TMEM184B: variants seen among roughly 807,000 people sequenced by gnomAD.
TMEM184B encodes transmembrane protein 184B, also known as putative MAPK-activating protein FM08.
TMEM184B carries 17 observed loss-of-function variants against 41.8 expected under a neutral mutation model. The ratio of observed to expected loss-of-function variants is 0.41; its 90% CI spans 0.28 to 0.61. The LOEUF is 0.61. Ranked by LOEUF, TMEM184B falls within the 20% of genes least tolerant of loss-of-function variation. TMEM184B has a pLI of 0.34. For missense variants in TMEM184B, 393 were observed against 557.8 expected, an observed-to-expected ratio of 0.70 and a Z score of 2.98; for synonymous variants, 240 against 229.5, an observed-to-expected ratio of 1.05 and a Z score of -0.41.
rs5995555 is a variant in TMEM184B at position 38,241,128 on chromosome 22, A to T, written c.358+4807T>A. ...GAAAGAGCCAGGGCAACAGCTGAGC[A>T]GCGGGAGCCTGGAAAGCAGGCATTC... On this transcript the variant is annotated intron_variant, in intron 3 of 8. Transcript: ENST00000361906. Among the ~76,000 whole-genome samples, 936 of 152,306 alleles carry T rather than the reference A, an allele frequency of 6.1e-3. 8 individuals are homozygous for T. Among genetic ancestry groups the T allele is most frequent in the African/African-American group, 0.022 (905 of 41,558 alleles).
In TMEM184B at chr22:38,225,811, T is replaced by G. The variant is rs2091417856; in HGVS notation, c.618-218A>C. On this transcript the variant is annotated intron_variant, in intron 6 of 8. Coordinates refer to ENST00000361906, the MANE Select transcript of TMEM184B (RefSeq NM_012264.5). This position sits in a 1 kb window ranked among gnomAD's most constrained non-coding sequence, Gnocchi z 4.4. Reference sequence around the variant, plus strand: ...CCAGACCAGCTCTACTGCCTCTGCGTGGCTCGTGGACTTGTCTAAGCCCTG... The same window carrying G: ...CCAGACCAGCTCTACTGCCTCTGCGGGGCTCGTGGACTTGTCTAAGCCCTG... Among the ~76,000 whole-genome samples the G allele has an allele frequency of 6.6e-6, 1 of 152,174 alleles. No homozygotes were observed. The highest frequency in any genetic ancestry group is 2.4e-5 in the African/African-American group (1 of 41,444).
In TMEM184B at chr22:38,220,722, C is replaced by T. The variant is rs563441602; in HGVS notation, c.*747G>A. ...GAAGGACCCAAGTGAGCCGGCAGTG[C>T]GGGCTGTGGGCTGTCCTTGGTAGGC... On this transcript the variant is annotated 3_prime_UTR_variant, in exon 9 of 9. Coordinates refer to ENST00000361906, the MANE Select transcript of TMEM184B (RefSeq NM_012264.5). The T allele has an allele frequency of 2.4e-5, 24 of 986,348 alleles. No homozygotes were observed. The South Asian group carries it at 9.4e-4, about 39-fold the overall frequency. The allele number at this position is 986,348 out of a possible 1,614,324, so 61.1% of individuals were successfully genotyped here. A position where few individuals can be genotyped will look rare whatever the true frequency, so the allele number is the denominator to read the frequency against.
chr22:38,247,739 T>C (rs2092067651), intron 2 of TMEM184B, 31 bp downstream of exon 2: 1 of 1,594,078 alleles, frequency 6.3e-7, no homozygotes, highest in Non-Finnish European at 8.6e-7. Context: ...TTTCTGGACC[T>C]TTCTAGAGGC....
intron 1 of TMEM184B, among the ~76,000 whole-genome samples, chr22:38,252,782 T>C (rs1001692726): frequency 1.3e-5 from 2 of 152,176 alleles, no homozygotes; most frequent in Non-Finnish European, 2.9e-5. Flanking sequence ...AGTTTCTTCA[T>C]TATAACATTT....
At chr22:38,256,977 G>GTTT (rs777863582) in intron 1 of TMEM184B, among the ~76,000 whole-genome samples, 3,404 of 124,164 alleles carry the variant, frequency 0.027, 209 homozygotes, top group African/African-American at 0.099. Flanking sequence ...GACATTAATA[G>GTTT]TTTTTTTTTT....
chr22:38,270,627 AG>A (rs990251734), intron 1 of TMEM184B, among the ~76,000 whole-genome samples: 1 of 152,156 alleles, frequency 6.6e-6, no homozygotes, highest in African/African-American at 2.4e-5. Context: ...CCGGGGCTGC[AG>A]GGCCTGGTGC....
At position 38,225,521 on chromosome 22, in the gene TMEM184B, G is replaced by GA; in HGVS notation, c.689dup (p.Leu231ProfsTer91). On this transcript the variant is annotated frameshift_variant, in exon 7 of 9. Coordinates refer to ENST00000361906, the MANE Select transcript of TMEM184B (RefSeq NM_012264.5). LOFTEE classifies it high-confidence loss of function. The surrounding 1 kb of genome is among the most constrained non-coding windows in gnomAD (Gnocchi z 4.4). ...GCTCCCGGGTGGCGAAGTAGAAGAG[G>GA]AAGAGGGCGTAGAGGGCCAGGCTGA... is the stretch of plus-strand genomic sequence containing the variant. 6.2e-7 allele frequency: 1 copy of GA among 1,604,934 alleles called. No individual in the cohort carries two copies. The highest frequency in any genetic ancestry group is 8.5e-7 in the Non-Finnish European group (1 of 1,176,702).
chr22:38,230,528 G>T, intron 5 of TMEM184B, 141 bp downstream of exon 5: 1 of 776,752 alleles, frequency 1.3e-6, no homozygotes, highest in Non-Finnish European at 2.1e-6. Context: ...CTGCCTAACA[G>T]CTTCGGGGGG....
At chr22:38,252,283 G>A (rs1374476028) in intron 1 of TMEM184B, among the ~76,000 whole-genome samples, 3 of 152,020 alleles carry the variant, frequency 2.0e-5, no homozygotes, top group African/African-American at 7.3e-5. Flanking sequence ...CTGGTCTCGA[G>A]CTCCTGGGCT....
chr22:38,247,950 C>G lies in TMEM184B; in HGVS notation c.12G>C (p.Arg4Ser). 3 of 1,582,250 alleles carry G rather than the reference C, an allele frequency of 1.9e-6. No homozygotes were observed. Among genetic ancestry groups the G allele is most frequent in the South Asian group, 2.3e-5 (2 of 87,864 alleles). ...CTGGATCCGGGGCCAGCACATCCCCCCTCACTGTCATGGTGCCTGGCAGCA... is the reference window on the plus strand; with the variant it reads ...CTGGATCCGGGGCCAGCACATCCCCGCTCACTGTCATGGTGCCTGGCAGCA... Reference protein sequence around the residue: MTVRGDVLAPDPAS... With the variant: MTVSGDVLAPDPAS... Residue 4 changes from arginine (R) to serine (S), a missense_variant, in exon 2 of 9, where the codon AGG (arginine) becomes AGC (serine). Arg to Ser is a moderately radical substitution (Grantham distance 110, BLOSUM62 -1). Coordinates refer to ENST00000361906, the MANE Select transcript of TMEM184B (RefSeq NM_012264.5).
At chr22:38,249,593 T>C (rs1202627841) in intron 1 of TMEM184B, among the ~76,000 whole-genome samples, 2 of 152,266 alleles carry the variant, frequency 1.3e-5, no homozygotes, top group African/African-American at 2.4e-5. Flanking sequence ...TTCTACCACA[T>C]GAGGACACAG....
rs1405950538 is a variant in TMEM184B, at chr22:38,225,316, C to CCT, written c.787+106_787+107dup. The CCT allele has an allele frequency of 7.3e-7, 1 of 1,377,926 alleles. No homozygotes were observed. Among genetic ancestry groups the CCT allele is most frequent in the Non-Finnish European group, 9.8e-7 (1 of 1,024,854 alleles). The allele number at this position is 1,377,926 out of a possible 1,614,324, so 85.4% of individuals were successfully genotyped here. On this transcript the variant is annotated intron_variant, in intron 7 of 8. Coordinates refer to ENST00000361906, the MANE Select transcript of TMEM184B (RefSeq NM_012264.5). The surrounding 1 kb of genome is among the most constrained non-coding windows in gnomAD (Gnocchi z 4.4). Reference sequence around the variant, plus strand: ...AGCAAGTGCCCAGTGGGCTGAGGCCCCTCTGAACAGGCCCTACAGGCACCA... The same window carrying CCT: ...AGCAAGTGCCCAGTGGGCTGAGGCCCCTCTCTGAACAGGCCCTACAGGCACCA...
At chr22:38,256,889 T>C (rs555277150) in intron 1 of TMEM184B, among the ~76,000 whole-genome samples, 1 of 152,124 alleles carries the variant, frequency 6.6e-6, no homozygotes, top group Admixed American at 6.6e-5. Context: ...GAATCTAGGG[T>C]CCTGTATGCC....
chr22:38,269,402 G>A (rs1361510861), intron 1 of TMEM184B, among the ~76,000 whole-genome samples: 1 of 152,156 alleles, frequency 6.6e-6, no homozygotes, highest in African/African-American at 2.4e-5. Flanking sequence ...TTTTAGTAGA[G>A]ACTGGGTTTC....
chr22:38,271,486 G>A (rs1011565114), intron 1 of TMEM184B, among the ~76,000 whole-genome samples: 1 of 152,170 alleles, frequency 6.6e-6, no homozygotes, highest in African/African-American at 2.4e-5. Flanking sequence ...GAAAATATAT[G>A]TGGAAAGCAG....
In TMEM184B at chr22:38,231,338, C is replaced by G; in HGVS notation, c.359-4G>C. 2.5e-6 allele frequency: 4 copies of G among 1,613,104 alleles called. No homozygotes were observed. Among genetic ancestry groups the G allele is most frequent in the Non-Finnish European group, 3.4e-6 (4 of 1,179,082 alleles). On this transcript the variant is annotated splice_region_variant and splice_polypyrimidine_tract_variant and intron_variant, in intron 3 of 8. Coordinates refer to ENST00000361906, the MANE Select transcript of TMEM184B (RefSeq NM_012264.5). ...AGGAAATTATAGATGACCAAGGCTG[C>G]GAAGAGAGTGTCCAGGAGAAACCAG...
At chr22:38,251,506 TCGCCTTGCTCC>T (rs2092161696) in intron 1 of TMEM184B, among the ~76,000 whole-genome samples, 2 of 152,182 alleles carry the variant, frequency 1.3e-5, no homozygotes, top group African/African-American at 2.4e-5. Flanking sequence ...GGCCCAGAGC[TCGCCTTGCTCC>T]CTGGACCCAA....
In TMEM184B at chr22:38,221,089, C is replaced by A. The variant is rs1200005143; in HGVS notation, c.*380G>T. 4.7e-6 allele frequency: 5 copies of A among 1,074,366 alleles called. No individual in the cohort carries two copies. The highest frequency in any genetic ancestry group is 5.6e-6 in the Non-Finnish European group (5 of 885,766). 66.6% of individuals were successfully genotyped at this position (1,074,366 alleles called of 1,614,324 possible). A position where few individuals can be genotyped will look rare whatever the true frequency, so the allele number is the denominator to read the frequency against. ...TGGGGGAGCCACGGCTTGCCGACCT[C>A]AGCCTGAGAGTCTCGCGGGGAGGAG... is the stretch of plus-strand genomic sequence containing the variant. On this transcript the variant is annotated 3_prime_UTR_variant, in exon 9 of 9. Transcript: ENST00000361906.
At chr22:38,238,639 G>A (rs1265466493) in intron 3 of TMEM184B, among the ~76,000 whole-genome samples, 7 of 152,198 alleles carry the variant, frequency 4.6e-5, no homozygotes, top group South Asian at 2.1e-4. Context: ...TGCGGCCCTC[G>A]GCTGTGCTCA....
Sources: gnomAD v4.1 joint callset for allele counts (sites outside exome capture counted in the v4.1 genomes callset) on GRCh38, gnomAD v4.1.1 for gene constraint, Gnocchi (gnomAD v3.1) non-coding constraint, MANE v1.5 for transcripts, NCBI Gene and HGNC (gene_info 2026-07-23, HGNC 2026-07-21) for gene names.